The following SPOCK3 variants were observed in gnomAD, a reference collection of about 807,000 sequenced individuals.
The protein encoded by SPOCK3 is testican-3.
SPOCK3 carries 30 observed loss-of-function variants against 56.6 expected under a neutral mutation model. The ratio of observed to expected loss-of-function variants is 0.53; its 90% CI spans 0.40 to 0.72. SPOCK3 has a LOEUF of 0.72. SPOCK3 is among the 30% of genes least tolerant of loss of function. The pLI, the probability that SPOCK3 is intolerant of heterozygous loss-of-function variation, is 0.00. For missense variants in SPOCK3, 527 were observed against 530.0 expected (o/e 0.99, Z 0.06); for synonymous variants, 196 against 183.3 (o/e 1.07, Z -0.56).
intron 6 of SPOCK3, among the ~76,000 whole-genome samples, chr4:166,815,302 T>C (rs1560888428): frequency 6.6e-6 from 1 of 151,962 alleles, no homozygotes; most frequent in African/African-American, 2.4e-5. Context: ...CAAAACTGTA[T>C]AATTACAAAA....
At chr4:166,855,356 G>T (rs1730538954) in intron 6 of SPOCK3, among the ~76,000 whole-genome samples, 2 of 150,832 alleles carry the variant, frequency 1.3e-5, no homozygotes, top group Admixed American at 6.6e-5. Flanking sequence ...AGAGCAGAGA[G>T]AAATAGCCAC....
chr4:167,119,910 A>C, intron 2 of SPOCK3: 5 of 1,371,920 alleles, frequency 3.6e-6, no homozygotes, highest in Non-Finnish European at 4.8e-6. Flanking sequence ...AAAAGAAAAA[A>C]GGAAAGAAAG....
intron 6 of SPOCK3, among the ~76,000 whole-genome samples, chr4:166,868,420 T>C (rs908168823): frequency 5.3e-5 from 8 of 152,032 alleles, no homozygotes; most frequent in Middle Eastern, 3.2e-3. Context: ...GGTTTATGAT[T>C]GTGCCAGTGA....
chr4:167,032,726 A>G (rs927302959), intron 3 of SPOCK3, among the ~76,000 whole-genome samples: 1 of 151,976 alleles, frequency 6.6e-6, no homozygotes, highest in Non-Finnish European at 1.5e-5. Flanking sequence ...TATCATAGAA[A>G]AAAAGGCATA....
chr4:166,741,430 A>G (rs1427046153), intron 9 of SPOCK3, among the ~76,000 whole-genome samples: 2 of 152,222 alleles, frequency 1.3e-5, no homozygotes, highest in African/African-American at 4.8e-5. Flanking sequence ...GTTTATAAGA[A>G]TAAACCACTC....
intron 7 of SPOCK3, among the ~76,000 whole-genome samples, chr4:166,763,932 T>G (rs1266392208): frequency 6.6e-6 from 1 of 152,058 alleles, no homozygotes; most frequent in Non-Finnish European, 1.5e-5. Flanking sequence ...AAAATCAAGG[T>G]ATCTGCAGTT....
chr4:167,088,743 G>A (rs995275500), intron 2 of SPOCK3, among the ~76,000 whole-genome samples: 4 of 152,004 alleles, frequency 2.6e-5, no homozygotes, highest in South Asian at 4.2e-4. Flanking sequence ...GATTACAGGC[G>A]TGAGCCACCA....
intron 3 of SPOCK3, among the ~76,000 whole-genome samples, chr4:167,028,430 A>G (rs1193195489): frequency 6.6e-6 from 1 of 151,922 alleles, no homozygotes; most frequent in Admixed American, 6.6e-5. Context: ...CATGTGTACT[A>G]TTGAAATGAA....
chr4:166,823,966 G>C (rs1234385322), intron 6 of SPOCK3, among the ~76,000 whole-genome samples: 5 of 152,042 alleles, frequency 3.3e-5, no homozygotes, highest in Non-Finnish European at 7.4e-5. Context: ...ATCGGTTAAT[G>C]AGACAGGGCT....
chr4:167,207,058 C>G (rs1455470052), intron 2 of SPOCK3, among the ~76,000 whole-genome samples: 2 of 151,864 alleles, frequency 1.3e-5, no homozygotes, highest in African/African-American at 4.8e-5. Context: ...TACTGTGTAC[C>G]CTATAAACGT....
At chr4:166,900,632 T>G (rs1194324471) in intron 5 of SPOCK3, among the ~76,000 whole-genome samples, 1 of 152,190 alleles carries the variant, frequency 6.6e-6, no homozygotes, top group Non-Finnish European at 1.5e-5. Context: ...CCTTAGGGAT[T>G]CAAACTCAAT....
intron 2 of SPOCK3, among the ~76,000 whole-genome samples, chr4:167,123,672 C>G (rs1762048650): frequency 6.6e-6 from 1 of 151,788 alleles, no homozygotes; most frequent in Non-Finnish European, 1.5e-5. Context: ...GACTACAGTA[C>G]TCAGTCAGTC....
intron 4 of SPOCK3, among the ~76,000 whole-genome samples, chr4:166,960,306 C>T (rs1744003486): frequency 6.6e-6 from 1 of 151,990 alleles, no homozygotes; most frequent in Admixed American, 6.6e-5. Flanking sequence ...GTAGGTATCA[C>T]TCATATTATA....
At chr4:166,913,872 A>G (rs888965219) in intron 4 of SPOCK3, among the ~76,000 whole-genome samples, 3 of 152,108 alleles carry the variant, frequency 2.0e-5, no homozygotes, top group African/African-American at 7.2e-5. Flanking sequence ...CTGCCAAAAG[A>G]CCACATTAAA....
At chr4:167,037,496 A>AG (rs751311983) in intron 3 of SPOCK3, among the ~76,000 whole-genome samples, 13 of 61,404 alleles carry the variant, frequency 2.1e-4, no homozygotes, top group South Asian at 5.6e-4. Flanking sequence ...AAGAAGAAGA[A>AG]AAAAAAAAAA....
chr4:166,889,221 A>C lies in SPOCK3; in HGVS notation c.498T>G (p.Cys166Trp). The change falls in exon 6 of 11, where the codon TGT becomes TGG. Residue 166 changes from cysteine (C) to tryptophan (W), a missense_variant. Transcript: ENST00000357545. ...SFQCKLEYQA[C>W]VLGKQISVKC... ...TGACTGAGATCTGTTTTCCTAAGACACATGCCTGATATTCTAGTTTGCACT... is the reference window on the plus strand; with the variant it reads ...TGACTGAGATCTGTTTTCCTAAGACCCATGCCTGATATTCTAGTTTGCACT... 1 of 1,610,558 alleles carries C rather than the reference A, an allele frequency of 6.2e-7. No individual in the cohort carries two copies. Among genetic ancestry groups the C allele is most frequent in the East Asian group, 2.2e-5 (1 of 44,712 alleles).
chr4:166,865,781 G>C (rs543867415), intron 6 of SPOCK3, among the ~76,000 whole-genome samples: 2 of 152,084 alleles, frequency 1.3e-5, no homozygotes, highest in East Asian at 3.9e-4. Flanking sequence ...AAATAAGAGA[G>C]GACACAAACA....
At chr4:166,830,576 T>C (rs1474397384) in intron 6 of SPOCK3, among the ~76,000 whole-genome samples, 1 of 152,028 alleles carries the variant, frequency 6.6e-6, no homozygotes, top group Non-Finnish European at 1.5e-5. Flanking sequence ...AAAAACCTTG[T>C]CTACCGAAAA....
At chr4:167,149,467 TG>T (rs1764227071) in intron 2 of SPOCK3, among the ~76,000 whole-genome samples, 1 of 152,076 alleles carries the variant, frequency 6.6e-6, no homozygotes, top group African/African-American at 2.4e-5. Flanking sequence ...AGTATGCCAA[TG>T]GGATACTATA....
Sources: allele counts gnomAD v4.1 joint callset (sites outside exome capture counted in the v4.1 genomes callset), GRCh38; gene constraint gnomAD v4.1.1; transcripts MANE v1.5; gene names NCBI Gene and HGNC (gene_info 2026-07-23, HGNC 2026-07-21).